The following CD84 variants were observed in gnomAD, a reference collection of about 807,000 sequenced individuals.
The protein encoded by CD84 is CD84 molecule.
Under a neutral mutation model 33.8 loss-of-function variants are expected in CD84, and 22 were observed. That is an observed-to-expected ratio of 0.65 (90% CI 0.46 to 0.93). The LOEUF is 0.93. Among genes scored for constraint, CD84 ranks in the 40% least tolerant of loss-of-function variants. The probability of loss-of-function intolerance (pLI) is 0.00; values close to 1 mark genes in which losing one functional copy is unlikely to be tolerated. For synonymous variants in CD84, 154 were observed against 145.2 expected, an observed-to-expected ratio of 1.06 and a Z score of -0.44; for missense variants, 400 against 397.6, an observed-to-expected ratio of 1.01 and a Z score of -0.05.
chr1:160,562,963 C>G (rs1657087397), intron 2 of CD84, among the ~76,000 whole-genome samples: 2 of 152,074 alleles, frequency 1.3e-5, no homozygotes, highest in Admixed American at 6.6e-5. Flanking sequence ...AGAAGACATT[C>G]ATGCAGCCAA....
At chr1:160,564,421 C>T (rs1459290639) in intron 2 of CD84, among the ~76,000 whole-genome samples, 2 of 152,080 alleles carry the variant, frequency 1.3e-5, no homozygotes, top group Admixed American at 1.3e-4. Context: ...GCATTTATCC[C>T]AGAGAAATAA....
intron 2 of CD84, among the ~76,000 whole-genome samples, chr1:160,563,628 A>T (rs2055550): frequency 1.7e-3 from 266 of 152,194 alleles, no homozygotes; most frequent in African/African-American, 6.3e-3. Context: ...AAGGTTAGCT[A>T]ATGGATGTTG....
intron 2 of CD84, among the ~76,000 whole-genome samples, chr1:160,560,281 A>C (rs566294437): frequency 6.6e-6 from 1 of 152,342 alleles, no homozygotes; most frequent in Admixed American, 6.5e-5. Flanking sequence ...ACCTGAAATC[A>C]TTCAGGGAAA....
intron 1 of CD84, among the ~76,000 whole-genome samples, chr1:160,568,845 T>G (rs60072646): frequency 0.05 from 7,583 of 152,242 alleles, 644 homozygotes; most frequent in African/African-American, 0.17. Context: ...GATCTTGAAC[T>G]CCTGACCTCA....
At chr1:160,560,636 A>G (rs1430490951) in intron 2 of CD84, among the ~76,000 whole-genome samples, 1 of 152,154 alleles carries the variant, frequency 6.6e-6, no homozygotes, top group African/African-American at 2.4e-5. Context: ...ATGAGAAATA[A>G]TAAAGATCAG....
chr1:160,551,809 C>T (rs547049101), intron 4 of CD84, among the ~76,000 whole-genome samples: 3 of 152,282 alleles, frequency 2.0e-5, no homozygotes, highest in South Asian at 2.1e-4. Flanking sequence ...TCTCCCAAAG[C>T]GCTGGGATTA....
In CD84 at chr1:160,554,022, C is replaced by T. The variant is rs1208863505; in HGVS notation, c.513G>A (p.Leu171=). Residue 171 remains leucine, a synonymous_variant, in exon 3 of 7, where the codon CTG becomes CTA. Transcript: ENST00000368054. ...EKNVTYNWSP[L]GEEGNVLQIF... ...TTTGAAGGACATTACCCTCTTCTCC[C>T]AGGGGACTCCAATTGTATGTCACAT... The T allele has an allele frequency of 6.2e-7, 1 of 1,614,204 alleles. No individual in the cohort carries two copies. Among genetic ancestry groups the T allele is most frequent in the Non-Finnish European group, 8.5e-7 (1 of 1,180,032 alleles).
chr1:160,553,195 G>C, intron 4 of CD84, 183 bp downstream of exon 4: 1 of 975,166 alleles, frequency 1.0e-6, no homozygotes, highest in South Asian at 1.5e-5. Context: ...GGATTCTGAA[G>C]ACCATTCAGG....
Position 160,541,762 on chromosome 1 carries a change from C to T in CD84, c.*6494G>A, listed in dbSNP as rs970964678. 6.6e-6 allele frequency: 1 copy of T among 152,090 alleles called. No homozygotes were observed. The highest frequency in any genetic ancestry group is 1.5e-5 in the Non-Finnish European group (1 of 68,038). 9.4% of individuals were successfully genotyped at this position (152,090 alleles called of 1,614,324 possible). ...CTGGAAGGTCTGATGGGTCAGATTG[C>T]TAAGGAGTGTGGTTCCCCAGGAAAA... On this transcript the variant is annotated 3_prime_UTR_variant, in exon 7 of 7. Coordinates refer to ENST00000368054, the MANE Select transcript of CD84 (RefSeq NM_003874.4).
rs549175611 is a variant in CD84 at position 160,561,354 on chromosome 1, G to A, written c.388+4050C>T. Among the ~76,000 whole-genome samples the A allele has an allele frequency of 5.3e-5, 8 of 152,256 alleles. No individual in the cohort carries two copies. In the South Asian group the frequency reaches 8.3e-4, roughly 16 times the overall value. ...GCTTCATCCCTAGGATGCAAGTTTG[G>A]TTCAACATATCCAAATCAGTAAGTG... On this transcript the variant is annotated intron_variant, in intron 2 of 6. Coordinates refer to ENST00000368054, the MANE Select transcript of CD84 (RefSeq NM_003874.4).
chr1:160,561,996 T>C (rs1657003761), intron 2 of CD84, among the ~76,000 whole-genome samples: 1 of 151,714 alleles, frequency 6.6e-6, no homozygotes, highest in African/African-American at 2.4e-5. Flanking sequence ...AAAAGATTAA[T>C]ATGCCTAGGA....
chr1:160,556,332 TAATGGAG>T (rs2102150296), intron 2 of CD84, among the ~76,000 whole-genome samples: 1 of 152,346 alleles, frequency 6.6e-6, no homozygotes, highest in East Asian at 1.9e-4. Context: ...AGCTATGGAA[TAATGGAG>T]AAGGTATACA....
chr1:160,549,826 G>A, intron 6 of CD84, 91 bp downstream of exon 6: 1 of 960,336 alleles, frequency 1.0e-6, no homozygotes, highest in Non-Finnish European at 1.7e-6. Context: ...AGTCCCAGGG[G>A]AACCAGCTAG....
chr1:160,548,883 T>A (rs1655996247), intron 6 of CD84, among the ~76,000 whole-genome samples: 2 of 152,200 alleles, frequency 1.3e-5, no homozygotes, highest in Non-Finnish European at 2.9e-5. Flanking sequence ...CCATGATTAA[T>A]CCCTCGAATT....
rs1655871905 is a variant in CD84, at chr1:160,547,050, A to G, written c.*1206T>C. 1 of 398,706 alleles carries G rather than the reference A, an allele frequency of 2.5e-6. No individual in the cohort carries two copies. Among genetic ancestry groups the G allele is most frequent in the Non-Finnish European group, 4.4e-6 (1 of 226,044 alleles). 24.7% of individuals were successfully genotyped at this position (398,706 alleles called of 1,614,324 possible). A position where few individuals can be genotyped will look rare whatever the true frequency, so the allele number is the denominator to read the frequency against. ...GGGAAACACTTCCTTAAATGATCAT[A>G]TGAATGTCTTGCTCAGTTGTGAATG... On this transcript the variant is annotated 3_prime_UTR_variant, in exon 7 of 7. Transcript: ENST00000368054.
chr1:160,568,468 T>G (rs1301163330), intron 1 of CD84, among the ~76,000 whole-genome samples: 1 of 152,116 alleles, frequency 6.6e-6, no homozygotes, highest in Non-Finnish European at 1.5e-5. Context: ...ATGAAGATTC[T>G]GCCACCTTCA....
At chr1:160,574,771 T>C (rs1355063913) in intron 1 of CD84, among the ~76,000 whole-genome samples, 2 of 152,104 alleles carry the variant, frequency 1.3e-5, no homozygotes, top group African/African-American at 4.8e-5. Flanking sequence ...AAAATGAAGG[T>C]AATATTAGCA....
chr1:160,562,492 T>C (rs1047038825), intron 2 of CD84, among the ~76,000 whole-genome samples: 11 of 152,126 alleles, frequency 7.2e-5, no homozygotes, highest in African/African-American at 2.7e-4. Context: ...TATTTAAAAA[T>C]GGTGCAGGGA....
In CD84 at chr1:160,549,671, G is replaced by A. The variant is rs116668285; in HGVS notation, c.921+246C>T. On this transcript the variant is annotated intron_variant, in intron 6 of 6. Coordinates refer to ENST00000368054, the MANE Select transcript of CD84 (RefSeq NM_003874.4). The stretch of plus-strand genomic sequence containing the variant: ...TCCCATACCGTAGTTCAGAGGCATA[G>A]GGACTTCTGCATTTGAAGGGTGGGA... Among the ~76,000 whole-genome samples, 957 of 152,272 alleles carry A rather than the reference G, an allele frequency of 6.3e-3. 15 individuals are homozygous for A. The highest frequency in any genetic ancestry group is 0.022 in the African/African-American group (902 of 41,542).
Sources: allele counts gnomAD v4.1 joint callset (sites outside exome capture counted in the v4.1 genomes callset), GRCh38; gene constraint gnomAD v4.1.1; transcripts MANE v1.5; gene names NCBI Gene and HGNC (gene_info 2026-07-23, HGNC 2026-07-21).